WIF1: variants seen among roughly 807,000 people sequenced by gnomAD.
WIF1 encodes Wnt inhibitory factor 1.
A neutral mutation model predicts 53.5 loss-of-function variants in WIF1; 35 were observed. That is an observed-to-expected ratio of 0.65 (90% confidence interval 0.50 to 0.87). The LOEUF (loss-of-function observed/expected upper bound fraction) is 0.87. WIF1 is among the 40% of genes least tolerant of loss of function. WIF1 has a pLI of 0.00. For synonymous variants in WIF1, 171 were observed against 170.4 expected (o/e 1.00, Z -0.03); for missense variants, 467 against 476.8 (o/e 0.98, Z 0.19).
At chr12:65,108,153 A>G (rs1165379837) in intron 2 of WIF1, among the ~76,000 whole-genome samples, 5 of 152,218 alleles carry the variant, frequency 3.3e-5, no homozygotes, top group African/African-American at 1.2e-4. Flanking sequence ...TTGTATTGTT[A>G]TATGGGTTAT....
At position 65,051,287 on chromosome 12, in the gene WIF1, A is replaced by G; in HGVS notation, c.*62T>C. ...AATGAACATTATTTGAACATTCAAC[A>G]CATGAAAGGTTAACAAAGGCTATGA... On this transcript the variant is annotated 3_prime_UTR_variant, in exon 10 of 10. Coordinates refer to ENST00000286574, the MANE Select transcript of WIF1 (RefSeq NM_007191.5). The G allele has an allele frequency of 6.4e-7, 1 of 1,551,030 alleles. No homozygotes were observed.
At chr12:65,105,274 C>T (rs1001199076) in intron 2 of WIF1, among the ~76,000 whole-genome samples, 6 of 152,030 alleles carry the variant, frequency 3.9e-5, no homozygotes, top group Non-Finnish European at 7.4e-5. Flanking sequence ...TAGAGGTACA[C>T]ATTGGTACTG....
chr12:65,113,740 G>A (rs915133147), intron 2 of WIF1, among the ~76,000 whole-genome samples: 1 of 152,126 alleles, frequency 6.6e-6, no homozygotes, highest in Admixed American at 6.5e-5. Context: ...CTAGTGGCAT[G>A]TCTACAACAC....
At chr12:65,077,907 G>A in intron 2 of WIF1, 53 bp from the exon 3 acceptor site, 2 of 1,375,172 alleles carry the variant, frequency 1.5e-6, no homozygotes, top group Non-Finnish European at 2.1e-6. Flanking sequence ...GAGGGAGAAG[G>A]CACCACAGAA....
chr12:65,060,009 G>T (rs1882586967), intron 7 of WIF1, among the ~76,000 whole-genome samples: 1 of 141,328 alleles, frequency 7.1e-6, no homozygotes, highest in Non-Finnish European at 1.5e-5. Context: ...TGGCATCGGA[G>T]TATACATTTC....
rs1406798431 is a variant in WIF1, at chr12:65,112,611, A to G, written c.288+7806T>C. Among the ~76,000 whole-genome samples, 9 of 152,182 alleles carry G rather than the reference A, an allele frequency of 5.9e-5. No individual in the cohort carries two copies. The East Asian group carries it at 1.7e-3, about 29-fold the overall frequency. On this transcript the variant is annotated intron_variant, in intron 2 of 9. Coordinates refer to ENST00000286574, the MANE Select transcript of WIF1 (RefSeq NM_007191.5). ...TGTTGAGTTCACTCTCTCCATAGCC[A>G]AGAAGAGAGAAACTTCCCTGAGTTG... is the stretch of plus-strand genomic sequence containing the variant.
At chr12:65,103,978 T>C (rs1323252163) in intron 2 of WIF1, among the ~76,000 whole-genome samples, 1 of 152,074 alleles carries the variant, frequency 6.6e-6, no homozygotes, top group African/African-American at 2.4e-5. Context: ...AGTGGGAGGA[T>C]TGCTTGAGCT....
chr12:65,116,305 G>A (rs192386006), intron 2 of WIF1, among the ~76,000 whole-genome samples: 136 of 152,132 alleles, frequency 8.9e-4, no homozygotes, highest in African/African-American at 3.1e-3. Flanking sequence ...CCCATCACTC[G>A]CATTACCGCC....
At chr12:65,089,749 G>A (rs1004589466) in intron 2 of WIF1, among the ~76,000 whole-genome samples, 1 of 152,146 alleles carries the variant, frequency 6.6e-6, no homozygotes, top group Non-Finnish European at 1.5e-5. Context: ...AAGCTTGGAT[G>A]AAATGTCATC....
chr12:65,076,945 T>G (rs1017666178), intron 3 of WIF1, among the ~76,000 whole-genome samples: 1 of 151,422 alleles, frequency 6.6e-6, no homozygotes, highest in Non-Finnish European at 1.5e-5. Flanking sequence ...ATCACAAATA[T>G]GTAAAAATTC....
At chr12:65,077,232 A>G (rs562204576) in intron 3 of WIF1, among the ~76,000 whole-genome samples, 2 of 152,244 alleles carry the variant, frequency 1.3e-5, no homozygotes, top group African/African-American at 2.4e-5. Context: ...AATATCACAT[A>G]CTATTATTTT....
chr12:65,071,742 C>T (rs1043144579), intron 3 of WIF1, among the ~76,000 whole-genome samples: 1 of 152,100 alleles, frequency 6.6e-6, no homozygotes, highest in Non-Finnish European at 1.5e-5. Flanking sequence ...AAATAGAAGG[C>T]ATGTAAGCAC....
At chr12:65,116,628 T>A (rs182651292) in intron 2 of WIF1, among the ~76,000 whole-genome samples, 40 of 151,794 alleles carry the variant, frequency 2.6e-4, no homozygotes, top group African/African-American at 9.4e-4. Context: ...CCATCCCCCA[T>A]CCTGTTCATA....
In WIF1 at chr12:65,079,468, TA is replaced by T. The variant is rs545200923; in HGVS notation, c.289-1615del. 9.6e-4 allele frequency among the ~76,000 whole-genome samples: 146 copies of T among 152,216 alleles called. 1 individual carries two copies. The highest frequency in any genetic ancestry group is 1.2e-3 in the Non-Finnish European group (79 of 68,014). The stretch of plus-strand genomic sequence containing the variant: ...ATAATGCCAACATTACAGAAATTTA[TA>T]AGCATTGGAGATTGTTATTATTATC... On this transcript the variant is annotated intron_variant, in intron 2 of 9. Transcript: ENST00000286574.
At chr12:65,052,932 G>A (rs1882463359) in intron 9 of WIF1, among the ~76,000 whole-genome samples, 2 of 152,160 alleles carry the variant, frequency 1.3e-5, no homozygotes, top group African/African-American at 4.8e-5. Context: ...GGGGATCACT[G>A]GGATCTGGAT....
chr12:65,079,677 TTGC>T (rs1433400267), intron 2 of WIF1, among the ~76,000 whole-genome samples: 1 of 151,420 alleles, frequency 6.6e-6, no homozygotes, highest in Non-Finnish European at 1.5e-5. Flanking sequence ...CAATATGTTC[TTGC>T]TTAGAAATAA....
At chr12:65,075,065 C>T (rs1480903557) in intron 3 of WIF1, among the ~76,000 whole-genome samples, 2 of 152,098 alleles carry the variant, frequency 1.3e-5, no homozygotes, top group African/African-American at 4.8e-5. Flanking sequence ...AATCTTCACC[C>T]AGAACCCAAA....
At chr12:65,100,218 A>G (rs1264839054) in intron 2 of WIF1, among the ~76,000 whole-genome samples, 2 of 152,226 alleles carry the variant, frequency 1.3e-5, no homozygotes, top group Non-Finnish European at 1.5e-5. Flanking sequence ...TTTATAATGT[A>G]GCATCTATCT....
intron 2 of WIF1, among the ~76,000 whole-genome samples, chr12:65,103,554 C>A (rs140565953): frequency 5.3e-5 from 8 of 152,112 alleles, no homozygotes; most frequent in African/African-American, 1.9e-4. Flanking sequence ...CAAAAATATT[C>A]CACTAGTCTG....
Sources: gnomAD v4.1 joint callset for allele counts (sites outside exome capture counted in the v4.1 genomes callset) on GRCh38, gnomAD v4.1.1 for gene constraint, MANE v1.5 for transcripts, NCBI Gene and HGNC (gene_info 2026-07-23, HGNC 2026-07-21) for gene names.